Variants in HHAT observed in about 807,000 individuals in gnomAD.
HHAT encodes protein-cysteine N-palmitoyltransferase HHAT.
HHAT carries 47 observed loss-of-function variants against 70.8 expected under a neutral mutation model. That is an observed-to-expected ratio of 0.66 (90% CI 0.53 to 0.85). The LOEUF (loss-of-function observed/expected upper bound fraction) is 0.85. Ranked by LOEUF, HHAT falls within the 40% of genes least tolerant of loss-of-function variation. The pLI, the probability that HHAT is intolerant of heterozygous loss-of-function variation, is 0.00. For missense variants in HHAT, 609 were observed against 604.8 expected, an observed-to-expected ratio of 1.01 and a Z score of -0.07; for synonymous variants, 228 against 247.6, an observed-to-expected ratio of 0.92 and a Z score of 0.74.
chr1:210,391,044 GTTTTAC>G (rs2091427165), intron 4 of HHAT, among the ~76,000 whole-genome samples: 2 of 152,148 alleles, frequency 1.3e-5, no homozygotes, highest in African/African-American at 2.4e-5. Flanking sequence ...TCAAATGGTA[GTTTTAC>G]TTTTAGTTCC....
At chr1:210,337,845 A>G (rs58442135) in intron 1 of HHAT, among the ~76,000 whole-genome samples, 42,320 of 116,778 alleles carry the variant, frequency 0.36, 6,756 homozygotes, top group African/African-American at 0.58. Context: ...GACCCCACAG[A>G]GGGGATCTAT....
intron 9 of HHAT, among the ~76,000 whole-genome samples, chr1:210,566,660 G>GGA (rs1267168200): frequency 6.6e-6 from 1 of 152,020 alleles, no homozygotes; most frequent in East Asian, 1.9e-4. Context: ...TGATCAGAGG[G>GGA]GAGATCGGCC....
At chr1:210,583,222 G>A (rs1659663022) in intron 9 of HHAT, among the ~76,000 whole-genome samples, 1 of 152,210 alleles carries the variant, frequency 6.6e-6, no homozygotes, top group African/African-American at 2.4e-5. Context: ...CTCCTCCTGA[G>A]TTGGGGGTTT....
chr1:210,408,426 G>T (rs1325915952), intron 6 of HHAT, among the ~76,000 whole-genome samples: 1 of 152,050 alleles, frequency 6.6e-6, no homozygotes, highest in African/African-American at 2.4e-5. Flanking sequence ...CAGGTGATCC[G>T]CCCGCCTCGG....
chr1:210,653,529 CAAAA>C (rs35279362), intron 11 of HHAT, among the ~76,000 whole-genome samples: 25 of 120,158 alleles, frequency 2.1e-4, no homozygotes, highest in African/African-American at 6.2e-4. Flanking sequence ...GACCCTGTCT[CAAAA>C]AAAAAAAAAA....
At chr1:210,422,018 C>T (rs975216343) in intron 7 of HHAT, among the ~76,000 whole-genome samples, 6 of 151,926 alleles carry the variant, frequency 3.9e-5, no homozygotes, top group Admixed American at 1.3e-4. Flanking sequence ...TAATTATCTC[C>T]TACTCCAAGA....
At chr1:210,464,030 G>A (rs7531212) in intron 7 of HHAT, among the ~76,000 whole-genome samples, 98,268 of 152,122 alleles carry the variant, frequency 0.65, 32,400 homozygotes, top group African/African-American at 0.78. Context: ...TACCTCAAGC[G>A]TTTATCTTTT....
At chr1:210,345,399 A>G (rs1433802667) in intron 1 of HHAT, among the ~76,000 whole-genome samples, 1 of 152,228 alleles carries the variant, frequency 6.6e-6, no homozygotes, top group Non-Finnish European at 1.5e-5. Flanking sequence ...CTAATTGTAA[A>G]TGTTTTGAAC....
intron 9 of HHAT, among the ~76,000 whole-genome samples, chr1:210,569,528 C>T (rs996772875): frequency 4.0e-5 from 6 of 151,896 alleles, no homozygotes; most frequent in African/African-American, 1.5e-4. Context: ...TGTACAATTA[C>T]ATTTTTTAAA....
intron 9 of HHAT, among the ~76,000 whole-genome samples, chr1:210,583,024 C>T (rs1041519302): frequency 6.6e-6 from 1 of 152,086 alleles, no homozygotes; most frequent in African/African-American, 2.4e-5. Context: ...GTGAAAGCAC[C>T]CAGCCCTGGG....
At chr1:210,614,018 CAAAAAAAAA>C (rs55874321) in intron 10 of HHAT, among the ~76,000 whole-genome samples, 11,481 of 111,728 alleles carry the variant, frequency 0.1, 615 homozygotes, top group Admixed American at 0.18. Flanking sequence ...GACCCTGCCT[CAAAAAAAAA>C]AAAAAAAAAA....
chr1:210,517,529 G>A (rs952346181), intron 9 of HHAT, among the ~76,000 whole-genome samples: 5 of 152,148 alleles, frequency 3.3e-5, no homozygotes, highest in African/African-American at 4.8e-5. Context: ...GGAAACAGTA[G>A]AATGGTAGCT....
At chr1:210,537,262 T>G (rs2095382645) in intron 9 of HHAT, among the ~76,000 whole-genome samples, 3 of 152,152 alleles carry the variant, frequency 2.0e-5, no homozygotes, top group Admixed American at 2.0e-4. Flanking sequence ...CAGTGGCTTG[T>G]GCATGCTGTG....
At chr1:210,453,804 C>T (rs1261640339) in intron 7 of HHAT, among the ~76,000 whole-genome samples, 1 of 152,146 alleles carries the variant, frequency 6.6e-6, no homozygotes, top group Non-Finnish European at 1.5e-5. Flanking sequence ...CCAATTCAGT[C>T]TACACATAGA....
intron 8 of HHAT, among the ~76,000 whole-genome samples, chr1:210,479,847 G>A (rs1262819056): frequency 6.6e-6 from 1 of 152,188 alleles, no homozygotes; most frequent in Non-Finnish European, 1.5e-5. Context: ...GCATTTAAGG[G>A]AGTTATGTAA....
intron 11 of HHAT, among the ~76,000 whole-genome samples, chr1:210,659,574 T>C (rs1216430397): frequency 2.6e-5 from 4 of 152,208 alleles, no homozygotes; most frequent in Non-Finnish European, 4.4e-5. Flanking sequence ...TTTATGAGGC[T>C]AGCATCATCC....
intron 9 of HHAT, among the ~76,000 whole-genome samples, chr1:210,560,874 G>A (rs544734067): frequency 8.9e-5 from 11 of 122,974 alleles, no homozygotes; most frequent in African/African-American, 1.2e-4. Context: ...GTGGTGGATC[G>A]TTTTTTTCCT....
intron 1 of HHAT, among the ~76,000 whole-genome samples, chr1:210,346,996 A>G (rs1286322340): frequency 6.6e-6 from 1 of 152,248 alleles, no homozygotes; most frequent in Non-Finnish European, 1.5e-5. Flanking sequence ...GGTAATTAAC[A>G]TACCCATCAC....
rs115023033 is a variant in HHAT at position 210,493,039 on chromosome 1, G to A, written c.1008-20114G>A. On this transcript the variant is annotated intron_variant, in intron 8 of 11. Coordinates refer to ENST00000261458, the MANE Select transcript of HHAT (RefSeq NM_018194.6). ...TGCCTTCAAAGTTTACAAAATATCA[G>A]CAGTTGAAAGGATCAAGTACTTTGA... 7.3e-3 allele frequency among the ~76,000 whole-genome samples: 1,115 copies of A among 152,042 alleles called. 10 individuals carry two copies. The highest frequency in any genetic ancestry group is 0.024 in the African/African-American group (984 of 41,456).
Sources: gnomAD v4.1 joint callset for allele counts (sites outside exome capture counted in the v4.1 genomes callset) on GRCh38, gnomAD v4.1.1 for gene constraint, MANE v1.5 for transcripts, NCBI Gene and HGNC (gene_info 2026-07-23, HGNC 2026-07-21) for gene names.